Variants in TRHDE observed in about 807,000 individuals in gnomAD.
TRHDE encodes thyrotropin-releasing hormone-degrading ectoenzyme.
In TRHDE, 72 loss-of-function variants were observed where a neutral mutation model predicts 125.7. That is an observed-to-expected ratio of 0.57 (90% confidence interval 0.47 to 0.70). TRHDE has a LOEUF of 0.70. Ranked by LOEUF, TRHDE falls within the 30% of genes least tolerant of loss-of-function variation. The pLI, the probability that TRHDE is intolerant of heterozygous loss-of-function variation, is 0.00. For synonymous variants in TRHDE, 509 were observed against 509.1 expected, an observed-to-expected ratio of 1.00 and a Z score of 0.00; for missense variants, 1,110 against 1,327.1, an observed-to-expected ratio of 0.84 and a Z score of 2.54.
At chr12:72,503,737 G>GCA (rs1878247418) in intron 6 of TRHDE, among the ~76,000 whole-genome samples, 2 of 152,148 alleles carry the variant, frequency 1.3e-5, no homozygotes, top group Non-Finnish European at 1.5e-5. Context: ...CTTAAGATAT[G>GCA]CTAAGACTCA....
chr12:72,140,912 G>C (rs565988063), intron 2 of TRHDE, among the ~76,000 whole-genome samples: 426 of 152,258 alleles, frequency 2.8e-3, no homozygotes, highest in African/African-American at 1.0e-2. Flanking sequence ...AGTAGTAACT[G>C]CTGATGTAAA....
chr12:72,542,147 G>A (rs140168570), intron 6 of TRHDE, 144 bp from the exon 7 acceptor site: 7 of 500,622 alleles, frequency 1.4e-5, no homozygotes, highest in African/African-American at 3.9e-5. Context: ...CACTAAGTTG[G>A]ATGTTGTTTT....
chr12:72,347,400 A>G lies in TRHDE; in HGVS notation c.1189-30595A>G, dbSNP rs147433389. ...CATTACAAATTGTACATTATCCATT[A>G]CTGTGTAACAAATTACCTCAAAATT... On this transcript the variant is annotated intron_variant, in intron 2 of 18. Coordinates refer to ENST00000261180, the MANE Select transcript of TRHDE (RefSeq NM_013381.3). 5.4e-4 allele frequency among the ~76,000 whole-genome samples: 82 copies of G among 152,220 alleles called. No homozygotes were observed. The East Asian group carries it at 0.011, about 21-fold the overall frequency.
At chr12:72,254,438 C>G (rs951234898) in intron 2 of TRHDE, 5 of 152,122 alleles carry the variant, frequency 3.3e-5, no homozygotes, top group African/African-American at 1.2e-4. Flanking sequence ...AGAGAAAGTT[C>G]AAATTTGTGA....
chr12:72,497,051 C>T (rs1018616753), intron 5 of TRHDE, among the ~76,000 whole-genome samples: 3 of 151,836 alleles, frequency 2.0e-5, no homozygotes, highest in African/African-American at 7.3e-5. Context: ...TTCTTTGTTC[C>T]CCCTCTCTCT....
At chr12:72,227,504 G>A (rs1847154304) in intron 2 of TRHDE, among the ~76,000 whole-genome samples, 1 of 152,146 alleles carries the variant, frequency 6.6e-6, no homozygotes, top group African/African-American at 2.4e-5. Context: ...GGAATTGTGA[G>A]AGCTACAATC....
intron 5 of TRHDE, among the ~76,000 whole-genome samples, chr12:72,483,836 A>G (rs1877285605): frequency 6.6e-6 from 1 of 152,016 alleles, no homozygotes; most frequent in Non-Finnish European, 1.5e-5. Context: ...AGGTTATTTG[A>G]TAGATTGACA....
chr12:72,105,487 A>G (rs1403884801), intron 1 of TRHDE, among the ~76,000 whole-genome samples: 1 of 152,196 alleles, frequency 6.6e-6, no homozygotes, highest in East Asian at 1.9e-4. Flanking sequence ...AATGCCAAGC[A>G]TGGAAATCAC....
chr12:72,100,554 CTGT>C (rs1875042714), intron 1 of TRHDE, among the ~76,000 whole-genome samples: 2 of 152,202 alleles, frequency 1.3e-5, no homozygotes, highest in African/African-American at 4.8e-5. Context: ...GGTGTGTTTG[CTGT>C]TGTCATAGTT....
chr12:72,156,474 C>T (rs145108920), intron 2 of TRHDE, among the ~76,000 whole-genome samples: 4,577 of 152,266 alleles, frequency 0.03, 120 homozygotes, highest in African/African-American at 0.067. Context: ...AATCACCCGT[C>T]TTCTGCGTCA....
chr12:72,110,649 T>G (rs182868586), intron 2 of TRHDE, among the ~76,000 whole-genome samples: 100 of 152,254 alleles, frequency 6.6e-4, no homozygotes, highest in African/African-American at 2.3e-3. Flanking sequence ...TAGGTTCTTT[T>G]GATAAGATAT....
chr12:72,128,512 A>T (rs1439159619), intron 2 of TRHDE, among the ~76,000 whole-genome samples: 2 of 152,224 alleles, frequency 1.3e-5, no homozygotes. Flanking sequence ...TTTTTTAGAC[A>T]AGGACATTAA....
In TRHDE at chr12:72,648,689, G is replaced by A. The variant is rs539848848; in HGVS notation, c.2676-3633G>A. 4.6e-5 allele frequency among the ~76,000 whole-genome samples: 7 copies of A among 152,186 alleles called. No individual in the cohort carries two copies. The South Asian group carries it at 1.4e-3, about 32-fold the overall frequency. On this transcript the variant is annotated intron_variant, in intron 15 of 18. Coordinates refer to ENST00000261180, the MANE Select transcript of TRHDE (RefSeq NM_013381.3). ...AGGCTGGGCATGGCGGCTCATGCCTGTAATCTCAACACTTTGGGAGGCCAA... is the reference window on the plus strand; with the variant it reads ...AGGCTGGGCATGGCGGCTCATGCCTATAATCTCAACACTTTGGGAGGCCAA...
chr12:72,567,441 CTTTACTA>C (rs1450507100), intron 9 of TRHDE, among the ~76,000 whole-genome samples: 1 of 151,726 alleles, frequency 6.6e-6, no homozygotes, highest in Non-Finnish European at 1.5e-5. Flanking sequence ...CATTTGGACT[CTTTACTA>C]TTACTGAATT....
chr12:72,614,383 T>C (rs1379860538), intron 12 of TRHDE, among the ~76,000 whole-genome samples: 1 of 149,650 alleles, frequency 6.7e-6, no homozygotes, highest in African/African-American at 2.5e-5. Flanking sequence ...ACAGAGAGAC[T>C]TCCCTGTGTT....
chr12:72,157,468 G>A (rs1352354756), intron 2 of TRHDE, among the ~76,000 whole-genome samples: 2 of 152,198 alleles, frequency 1.3e-5, no homozygotes, highest in African/African-American at 2.4e-5. Flanking sequence ...GATGATGGTG[G>A]CTTTGATCTG....
In TRHDE at chr12:72,301,465, A is replaced by G. The variant is rs975452847; in HGVS notation, c.1188+14511A>G. ...AAAATAGTCCTGTGCAAAAGAATCA[A>G]CTGAGAATTTAGGGATCCTATTAAA... On this transcript the variant is annotated intron_variant, in intron 2 of 18. Coordinates refer to ENST00000261180, the MANE Select transcript of TRHDE (RefSeq NM_013381.3). Among the ~76,000 whole-genome samples the G allele has an allele frequency of 7.2e-5, 11 of 152,292 alleles. No homozygotes were observed. The East Asian group carries it at 1.9e-3, about 27-fold the overall frequency.
rs556352372 is a variant in TRHDE at position 72,111,930 on chromosome 12, G to A, written n.279+6178G>A. ...TTTCAGCAATCCCACTGGGTAGCAC[G>A]TTGCAGCTGTTCAGTATTATCCAGC... is the stretch of plus-strand genomic sequence containing the variant. On this transcript the variant is annotated intron_variant and non_coding_transcript_variant, in intron 2 of 4. Coordinates refer to the TRHDE transcript ENST00000548156. Among the ~76,000 whole-genome samples the A allele has an allele frequency of 4.5e-4, 68 of 152,126 alleles. 1 individual carries two copies. Among genetic ancestry groups the A allele is most frequent in the African/African-American group, 1.4e-3 (58 of 41,502 alleles).
At chr12:72,363,912 C>T (rs1407098567) in intron 2 of TRHDE, among the ~76,000 whole-genome samples, 1 of 151,984 alleles carries the variant, frequency 6.6e-6, no homozygotes, top group South Asian at 2.1e-4. Context: ...TGATAAGCAA[C>T]TTCAGCAAAG....
Sources: gnomAD v4.1 joint callset for allele counts (sites outside exome capture counted in the v4.1 genomes callset) on GRCh38, gnomAD v4.1.1 for gene constraint, MANE v1.5 for transcripts, NCBI Gene and HGNC (gene_info 2026-07-23, HGNC 2026-07-21) for gene names.